The following ATXN2 variants were observed in gnomAD, a reference collection of about 807,000 sequenced individuals.
ATXN2 encodes ataxin-2.
Under a neutral mutation model 138.6 loss-of-function variants are expected in ATXN2, and 37 were observed. The observed-to-expected ratio is 0.27, with a 90% CI of 0.21 to 0.35. The LOEUF (loss-of-function observed/expected upper bound fraction) is 0.35, where lower values mean the gene tolerates loss of function less well. ATXN2 is among the 10% of genes least tolerant of loss of function. The pLI is 1.00. For missense variants in ATXN2, 1,216 were observed against 1,480.3 expected (o/e 0.82, Z 2.93); for synonymous variants, 549 against 543.7 (o/e 1.01, Z -0.13).
chr12:111,453,661 C>A lies in ATXN2; in HGVS notation c.3439+16G>T. The A allele has an allele frequency of 6.4e-7, 1 of 1,559,830 alleles. No individual in the cohort carries two copies. Among genetic ancestry groups the A allele is most frequent in the Non-Finnish European group, 8.7e-7 (1 of 1,149,252 alleles). On this transcript the variant is annotated intron_variant, in intron 24 of 24. Coordinates refer to ENST00000673436, the MANE Select transcript of ATXN2 (RefSeq NM_001372574.1). This position sits in a 1 kb window ranked among gnomAD's most constrained non-coding sequence, Gnocchi z 5.4. ...CTTTGGGGTGCCCCGGCGGCCCCTGCACACACACGCCTCACCTGAAGGGTG... is the reference window on the plus strand; with the variant it reads ...CTTTGGGGTGCCCCGGCGGCCCCTGAACACACACGCCTCACCTGAAGGGTG...
intron 5 of ATXN2, among the ~76,000 whole-genome samples, chr12:111,548,102 A>G (rs1476507353): frequency 6.6e-6 from 1 of 152,040 alleles, no homozygotes; most frequent in Non-Finnish European, 1.5e-5. Flanking sequence ...CTGAAGCAAG[A>G]TAACTGCTTG....
chr12:111,520,919 C>T lies in ATXN2; in HGVS notation c.751G>A (p.Val251Ile). The part of the protein sequence containing the change: ...MFRYNEENYG[V>I]VSTYDSSLSS... ...AAACTGCTATCATACGTAGACACTACACCATAATTTTCTTCATTATATCGA... is the reference window on the plus strand; with the variant it reads ...AAACTGCTATCATACGTAGACACTATACCATAATTTTCTTCATTATATCGA... The change falls in exon 7 of 25, where the codon GTA becomes ATA. Residue 251 changes from valine to isoleucine, a missense_variant. Val to Ile is a conservative substitution (Grantham distance 29, BLOSUM62 3). Coordinates refer to ENST00000673436, the MANE Select transcript of ATXN2 (RefSeq NM_001372574.1). The T allele has an allele frequency of 1.4e-5, 23 of 1,600,046 alleles. No homozygotes were observed. The highest frequency in any genetic ancestry group is 2.2e-5 in the South Asian group (2 of 89,086).
At chr12:111,548,665 A>G (rs1881964061) in intron 5 of ATXN2, among the ~76,000 whole-genome samples, 1 of 152,342 alleles carries the variant, frequency 6.6e-6, no homozygotes, top group South Asian at 2.1e-4. Context: ...AGTACTATCA[A>G]ATGATAACAG....
intron 22 of ATXN2, 73 bp from the exon 23 acceptor site, chr12:111,456,329 T>C: frequency 1.3e-6 from 2 of 1,517,680 alleles, no homozygotes; most frequent in Non-Finnish European, 1.8e-6. Flanking sequence ...CCCACAAAGC[T>C]AAGCTTTGCA....
intron 7 of ATXN2, 102 bp from the exon 8 acceptor site, chr12:111,520,178 G>A: frequency 7.2e-7 from 1 of 1,388,570 alleles, no homozygotes; most frequent in South Asian, 1.3e-5. Flanking sequence ...TAGAATACTG[G>A]TAAAAACAGA....
chr12:111,511,557 C>G (rs1037360689), intron 11 of ATXN2: 1 of 151,536 alleles, frequency 6.6e-6, no homozygotes, highest in Non-Finnish European at 1.5e-5. Flanking sequence ...CCTCCCGGGT[C>G]CTGGTTCAAG....
At chr12:111,535,204 C>A (rs1466348910) in intron 5 of ATXN2, among the ~76,000 whole-genome samples, 1 of 152,108 alleles carries the variant, frequency 6.6e-6, no homozygotes, top group Admixed American at 6.5e-5. Context: ...TAAAAACAAA[C>A]CACAATGAGC....
chr12:111,558,897 G>A (rs1251371464), intron 1 of ATXN2, among the ~76,000 whole-genome samples: 2 of 151,008 alleles, frequency 1.3e-5, no homozygotes, highest in East Asian at 3.9e-4. Flanking sequence ...AAAGCTGGGT[G>A]ATAGGTGTGC....
Position 111,552,999 on chromosome 12 carries a change from A to G in ATXN2, c.349-22T>C. On this transcript the variant is annotated intron_variant, in intron 3 of 24. Transcript: ENST00000673436. This position sits in a 1 kb window ranked among gnomAD's most constrained non-coding sequence, Gnocchi z 4.1. ...AGCCCTAAAAACATATAATTTATTT[A>G]TCAAAGAAACAGTATACTACCCGGT... 1 of 1,487,528 alleles carries G rather than the reference A, an allele frequency of 6.7e-7. No individual in the cohort carries two copies. Among genetic ancestry groups the G allele is most frequent in the East Asian group, 2.4e-5 (1 of 41,282 alleles). 92.1% of individuals were successfully genotyped at this position (1,487,528 alleles called of 1,614,324 possible).
chr12:111,581,629 T>C, intron 1 of ATXN2: 1 of 776,400 alleles, frequency 1.3e-6, no homozygotes, highest in South Asian at 1.4e-5. Context: ...CCGTGAAGTC[T>C]AGGGACAAGA....
intron 1 of ATXN2, among the ~76,000 whole-genome samples, chr12:111,590,740 G>A (rs914163632): frequency 1.3e-5 from 2 of 151,806 alleles, no homozygotes; most frequent in African/African-American, 4.8e-5. Flanking sequence ...GGAGCTGTGT[G>A]AGCATTAGCA....
intron 22 of ATXN2, among the ~76,000 whole-genome samples, chr12:111,456,873 G>A (rs1430766363): frequency 2.6e-5 from 4 of 151,916 alleles, no homozygotes; most frequent in East Asian, 3.9e-4. Context: ...TCAGCCTCCC[G>A]AGAAGCTGGG....
intron 1 of ATXN2, among the ~76,000 whole-genome samples, chr12:111,585,474 T>C (rs1033792343): frequency 2.0e-5 from 3 of 148,818 alleles, no homozygotes; most frequent in Non-Finnish European, 3.0e-5. Flanking sequence ...GATTGTACCA[T>C]TGCACTCCAG....
rs759808728 is a variant in ATXN2, at chr12:111,598,945, C to T, written c.90G>A (p.Pro30=). 2.1e-5 allele frequency: 30 copies of T among 1,430,072 alleles called. No individual in the cohort carries two copies. In the African/African-American group the frequency reaches 2.2e-4, roughly 10 times the overall value. The allele number at this position is 1,430,072 out of a possible 1,614,324, so 88.6% of individuals were successfully genotyped here. A position where few individuals can be genotyped will look rare whatever the true frequency, so the allele number is the denominator to read the frequency against. The change falls in exon 1 of 25, where the codon CCG becomes CCA. Residue 30 remains proline (P), a synonymous_variant. Transcript: ENST00000673436. The surrounding 1 kb of genome is among the most constrained non-coding windows in gnomAD (Gnocchi z 4.5). ...QQQQQQQQQP[P]PAAANVRKPG... ...GCTTGCGGACATTGGCAGCCGCGGGCGGCGGCTGCTGCTGCTGCTGCTGCT... is the reference window on the plus strand; with the variant it reads ...GCTTGCGGACATTGGCAGCCGCGGGTGGCGGCTGCTGCTGCTGCTGCTGCT...
At chr12:111,531,303 C>T (rs1017528323) in intron 5 of ATXN2, among the ~76,000 whole-genome samples, 26 of 152,074 alleles carry the variant, frequency 1.7e-4, no homozygotes, top group Non-Finnish European at 3.1e-4. Context: ...GTCCCAGCTA[C>T]TCGGGAGGCT....
At chr12:111,562,776 C>T (rs559439690) in intron 1 of ATXN2, among the ~76,000 whole-genome samples, 8 of 145,772 alleles carry the variant, frequency 5.5e-5, no homozygotes, top group Admixed American at 2.1e-4. Context: ...AAAAGGGCAT[C>T]ACTACTTGGT....
intron 21 of ATXN2, among the ~76,000 whole-genome samples, chr12:111,462,959 C>G (rs994702702): frequency 7.8e-6 from 1 of 128,158 alleles, no homozygotes; most frequent in Non-Finnish European, 1.5e-5. Context: ...TATATACACA[C>G]ATACATATAT....
At position 111,552,580 on chromosome 12, in the gene ATXN2, A is replaced by G; in HGVS notation, c.421-150T>C. The G allele has an allele frequency of 3.9e-6, 3 of 767,320 alleles. No individual in the cohort carries two copies. The South Asian group carries it at 6.8e-5, about 17-fold the overall frequency. The allele number at this position is 767,320 out of a possible 1,614,324, so 47.5% of individuals were successfully genotyped here. A position where few individuals can be genotyped will look rare whatever the true frequency, so the allele number is the denominator to read the frequency against. On this transcript the variant is annotated intron_variant, in intron 4 of 24. Coordinates refer to ENST00000673436, the MANE Select transcript of ATXN2 (RefSeq NM_001372574.1). The surrounding 1 kb of genome is among the most constrained non-coding windows in gnomAD (Gnocchi z 4.1). ...ACCCTTTTTCCCAGGCATATGATCT[A>G]TTATCCATTCCATCATTTAAAAATC...
At chr12:111,573,919 A>G (rs1268754140) in intron 1 of ATXN2, among the ~76,000 whole-genome samples, 1 of 150,030 alleles carries the variant, frequency 6.7e-6, no homozygotes. Flanking sequence ...CACTTGGCTC[A>G]GAAATGCTAG....
Sources: allele counts gnomAD v4.1 joint callset (sites outside exome capture counted in the v4.1 genomes callset), GRCh38; gene constraint gnomAD v4.1.1; non-coding constraint Gnocchi (gnomAD v3.1); transcripts MANE v1.5; gene names NCBI Gene and HGNC (gene_info 2026-07-23, HGNC 2026-07-21).